The following CSMD3 variants were observed in gnomAD, a reference collection of about 807,000 sequenced individuals.
CSMD3 encodes CUB and sushi domain-containing protein 3.
Under a neutral mutation model 435.2 loss-of-function variants are expected in CSMD3, and 177 were observed. The ratio of observed to expected loss-of-function variants is 0.41; its 90% confidence interval spans 0.36 to 0.46. The LOEUF is 0.46. Among genes scored for constraint, CSMD3 ranks in the 20% least tolerant of loss-of-function variants. The pLI, the probability that CSMD3 is intolerant of heterozygous loss-of-function variation, is 0.34. For missense variants in CSMD3, 4,265 were observed against 4,504.6 expected, an observed-to-expected ratio of 0.95 and a Z score of 1.52; for synonymous variants, 1,656 against 1,520.5, an observed-to-expected ratio of 1.09 and a Z score of -2.07.
chr8:112,710,595 G>C (rs1220516607), intron 13 of CSMD3, among the ~76,000 whole-genome samples: 2 of 151,612 alleles, frequency 1.3e-5, no homozygotes, highest in Non-Finnish European at 2.9e-5. Context: ...TTTGTATTAA[G>C]GTTTGGAGTA....
intron 11 of CSMD3, among the ~76,000 whole-genome samples, chr8:112,830,672 T>A (rs894038144): frequency 2.0e-5 from 3 of 151,924 alleles, no homozygotes; most frequent in Non-Finnish European, 4.4e-5. Context: ...TATGAGAGAA[T>A]AAATGAAGAA....
chr8:113,225,499 C>A (rs2093016312), intron 3 of CSMD3, among the ~76,000 whole-genome samples: 2 of 151,550 alleles, frequency 1.3e-5, no homozygotes, highest in South Asian at 4.1e-4. Flanking sequence ...AGCAAATTAA[C>A]ACAGGAACAG....
intron 16 of CSMD3, among the ~76,000 whole-genome samples, chr8:112,671,658 TGACTTGATC>T (rs928715437): frequency 7.9e-5 from 12 of 152,124 alleles, no homozygotes; most frequent in African/African-American, 2.7e-4. Flanking sequence ...CTTATGATCA[TGACTTGATC>T]AGAAACATGG....
chr8:112,689,438 A>T (rs1317913067), intron 14 of CSMD3, among the ~76,000 whole-genome samples: 1 of 152,022 alleles, frequency 6.6e-6, no homozygotes, highest in Non-Finnish European at 1.5e-5. Context: ...CATTAGTGTT[A>T]ACATCTACAA....
rs182071369 is a variant in CSMD3 at position 113,162,382 on chromosome 8, A to G, written c.709+11340T>C. On this transcript the variant is annotated intron_variant, in intron 4 of 70. Coordinates refer to ENST00000297405, the MANE Select transcript of CSMD3 (RefSeq NM_198123.2). The stretch of plus-strand genomic sequence containing the variant: ...GGAGTTCGAGACCAGCCTGACCAAC[A>G]TGGAGAAACCCTGTCGCTACTAAAT... Among the ~76,000 whole-genome samples the G allele has an allele frequency of 3.0e-3, 454 of 151,954 alleles. 2 individuals carry two copies. Among genetic ancestry groups the G allele is most frequent in the Non-Finnish European group, 5.0e-3 (343 of 67,948 alleles).
chr8:112,943,533 T>C lies in CSMD3; in HGVS notation c.1508+4257A>G, dbSNP rs542881175. Among the ~76,000 whole-genome samples the C allele has an allele frequency of 7.7e-4, 117 of 151,740 alleles. 3 individuals are homozygous for C. The South Asian group carries it at 0.023, about 29-fold the overall frequency. ...TTCACTGAGTAATCACAATCTAATGTTCCTTTGAGATAAAAAGGGCCCAAG... is the reference window on the plus strand; with the variant it reads ...TTCACTGAGTAATCACAATCTAATGCTCCTTTGAGATAAAAAGGGCCCAAG... On this transcript the variant is annotated intron_variant, in intron 9 of 70. Transcript: ENST00000297405.
rs2131224166 is a variant in CSMD3, at chr8:112,556,794, C to G, written c.4203G>C (p.Arg1401Ser). 3.7e-6 allele frequency: 6 copies of G among 1,612,182 alleles called. No individual in the cohort carries two copies. The highest frequency in any genetic ancestry group is 5.1e-6 in the Non-Finnish European group (6 of 1,178,764). Residue 1401 changes from arginine (R) to serine (S), a missense_variant, in exon 25 of 71, where the codon AGG (arginine) becomes AGC (serine). By Grantham distance (110) the Arg-to-Ser change is moderately radical (BLOSUM62 -1). Around this residue, in one of 3 missense-constraint regions of CSMD3, gnomAD observed 3,255 missense variants for 3,380.2 expected, o/e 0.96. Coordinates refer to ENST00000297405, the MANE Select transcript of CSMD3 (RefSeq NM_198123.2). ...SLLKCMTGER[R>S]AWDYPLPSCI... ...AGGAAGGCAGAGGATAGTCCCATGCCCTTCTCTCCCCTGTCATGCACTTGA... is the reference window on the plus strand; with the variant it reads ...AGGAAGGCAGAGGATAGTCCCATGCGCTTCTCTCCCCTGTCATGCACTTGA...
intron 13 of CSMD3, among the ~76,000 whole-genome samples, chr8:112,749,542 G>A (rs1352600298): frequency 6.6e-6 from 1 of 151,930 alleles, no homozygotes; most frequent in Admixed American, 6.6e-5. Flanking sequence ...AATTCAAGAT[G>A]GAGTAAAGAC....
At chr8:113,152,934 G>C (rs1366729489) in intron 4 of CSMD3, among the ~76,000 whole-genome samples, 1 of 150,006 alleles carries the variant, frequency 6.7e-6, no homozygotes, top group Non-Finnish European at 1.5e-5. Context: ...TTGCACCACT[G>C]CACTCCAGCC....
At chr8:112,685,813 T>A in intron 14 of CSMD3, 81 bp from the exon 15 acceptor site, 1 of 879,848 alleles carries the variant, frequency 1.1e-6, no homozygotes, top group Non-Finnish European at 1.8e-6. Flanking sequence ...TCTACAATTA[T>A]GATAATCAAT....
At chr8:113,333,499 T>C (rs528969787) in intron 1 of CSMD3, among the ~76,000 whole-genome samples, 1 of 152,012 alleles carries the variant, frequency 6.6e-6, no homozygotes, top group South Asian at 2.1e-4. Context: ...CCTGTGCATG[T>C]CCAAATGATC....
At chr8:113,015,149 C>T (rs1231177757) in intron 6 of CSMD3, among the ~76,000 whole-genome samples, 1 of 151,984 alleles carries the variant, frequency 6.6e-6, no homozygotes. Flanking sequence ...TTGTTTTTGA[C>T]TGAAACAATG....
chr8:112,962,676 A>G (rs990677043), intron 7 of CSMD3, among the ~76,000 whole-genome samples: 1 of 152,020 alleles, frequency 6.6e-6, no homozygotes, highest in African/African-American at 2.4e-5. Flanking sequence ...TTCTGTTTAA[A>G]ATAAACATAG....
chr8:112,987,030 A>T (rs1252822811), intron 6 of CSMD3, among the ~76,000 whole-genome samples: 1 of 152,122 alleles, frequency 6.6e-6, no homozygotes, highest in African/African-American at 2.4e-5. Context: ...ATGTGGAGAG[A>T]TATCAGGTAC....
At position 113,360,773 on chromosome 8, in the gene CSMD3, C is replaced by T. The variant is rs563586105; in HGVS notation, c.179-45980G>A. Reference sequence around the variant, plus strand: ...TATTTTTAGTAGAGACGGGGTTTCACCTTGTTAGCCAGGATGGTCTCGATC... The same window carrying T: ...TATTTTTAGTAGAGACGGGGTTTCATCTTGTTAGCCAGGATGGTCTCGATC... On this transcript the variant is annotated intron_variant, in intron 1 of 70. Transcript: ENST00000297405. Among the ~76,000 whole-genome samples, 999 of 151,816 alleles carry T rather than the reference C, an allele frequency of 6.6e-3. 11 individuals are homozygous for T. The highest frequency in any genetic ancestry group is 0.022 in the African/African-American group (899 of 41,412).
intron 3 of CSMD3, among the ~76,000 whole-genome samples, chr8:113,273,015 T>C (rs992334927): frequency 3.3e-5 from 5 of 152,066 alleles, no homozygotes; most frequent in African/African-American, 1.2e-4. Flanking sequence ...GAATTTGCAA[T>C]GTTTCCAACA....
chr8:112,626,060 G>A lies in CSMD3; in HGVS notation c.3715+10757C>T, dbSNP rs373951821. On this transcript the variant is annotated intron_variant, in intron 22 of 70. Coordinates refer to ENST00000297405, the MANE Select transcript of CSMD3 (RefSeq NM_198123.2). ...AGAATGACTTCAGCTACTTTATCCC[G>A]CAGTGAAGGAGCTGGATTTGAGAAG... 1.8e-4 allele frequency among the ~76,000 whole-genome samples: 28 copies of A among 152,002 alleles called. No homozygotes were observed. The South Asian group carries it at 4.4e-3, about 24-fold the overall frequency.
chr8:113,395,345 C>A (rs535731638), intron 1 of CSMD3, among the ~76,000 whole-genome samples: 6 of 152,048 alleles, frequency 3.9e-5, no homozygotes, highest in Non-Finnish European at 8.8e-5. Context: ...CGGTGGCTCA[C>A]GCCTGTAATC....
chr8:112,763,451 C>T (rs2077894132), intron 13 of CSMD3, among the ~76,000 whole-genome samples: 1 of 149,994 alleles, frequency 6.7e-6, no homozygotes, highest in African/African-American at 2.4e-5. Flanking sequence ...TTACTAGTAC[C>T]ACAAAGATTA....
Sources: gnomAD v4.1 joint callset for allele counts (sites outside exome capture counted in the v4.1 genomes callset) on GRCh38, gnomAD v4.1.1 for gene constraint, gnomAD v4.1.1 regional missense constraint, MANE v1.5 for transcripts, NCBI Gene and HGNC (gene_info 2026-07-23, HGNC 2026-07-21) for gene names.